Variants in NCKAP5 observed in about 807,000 individuals in gnomAD.
NCKAP5 encodes nck-associated protein 5.
In NCKAP5, 92 loss-of-function variants were observed where a neutral mutation model predicts 167.0. The ratio of observed to expected loss-of-function variants is 0.55; its 90% CI spans 0.47 to 0.66. The LOEUF (loss-of-function observed/expected upper bound fraction) is 0.66, where lower values mean the gene tolerates loss of function less well. NCKAP5 is among the 30% of genes least tolerant of loss of function. The pLI, the probability that NCKAP5 is intolerant of heterozygous loss-of-function variation, is 0.00. For missense variants in NCKAP5, 2,378 were observed against 2,315.0 expected (o/e 1.03, Z -0.56); for synonymous variants, 891 against 877.4 (o/e 1.02, Z -0.27).
At chr2:132,718,574 T>C (rs1689600704) in intron 19 of NCKAP5, among the ~76,000 whole-genome samples, 1 of 152,166 alleles carries the variant, frequency 6.6e-6, no homozygotes, top group South Asian at 2.1e-4. Context: ...AAACTAAAAG[T>C]CTATATCCTT....
intron 4 of NCKAP5, among the ~76,000 whole-genome samples, chr2:133,236,523 ACAC>A (rs1298643033): frequency 6.6e-6 from 1 of 152,218 alleles, no homozygotes; most frequent in East Asian, 1.9e-4. Flanking sequence ...TGTCTGACAA[ACAC>A]CACAACTAAA....
chr2:133,450,104 A>T (rs540336650), intron 3 of NCKAP5, among the ~76,000 whole-genome samples: 1 of 152,220 alleles, frequency 6.6e-6, no homozygotes, highest in South Asian at 2.1e-4. Flanking sequence ...GCCAAGTTGA[A>T]TTCCTCTTCT....
intron 19 of NCKAP5, among the ~76,000 whole-genome samples, chr2:132,690,590 G>T (rs567708552): frequency 2.6e-5 from 4 of 152,152 alleles, no homozygotes; most frequent in African/African-American, 9.6e-5. Context: ...ATGTTGTTTT[G>T]CCTAAAGTCA....
chr2:132,844,825 C>T (rs1287902172), intron 11 of NCKAP5, among the ~76,000 whole-genome samples: 1 of 152,100 alleles, frequency 6.6e-6, no homozygotes, highest in Non-Finnish European at 1.5e-5. Flanking sequence ...AGAGTAGATG[C>T]TTTTACTACT....
chr2:133,040,604 AT>A (rs112192890), intron 6 of NCKAP5, among the ~76,000 whole-genome samples: 1,908 of 152,332 alleles, frequency 0.013, 41 homozygotes, highest in African/African-American at 0.043. Flanking sequence ...TATTTTAAAA[AT>A]CTATTTACAT....
chr2:133,544,035 T>C (rs982997945), intron 2 of NCKAP5, among the ~76,000 whole-genome samples: 14 of 152,356 alleles, frequency 9.2e-5, no homozygotes, highest in African/African-American at 3.1e-4. Context: ...TCTTTGCAAA[T>C]AACTTATGCT....
chr2:132,994,113 C>A, intron 7 of NCKAP5, 39 bp downstream of exon 7: 1 of 1,382,248 alleles, frequency 7.2e-7, no homozygotes, highest in Non-Finnish European at 9.9e-7. Context: ...GAAAAACAAG[C>A]AGACCAGTAC....
intron 6 of NCKAP5, among the ~76,000 whole-genome samples, chr2:133,066,476 G>T (rs944613421): frequency 6.6e-6 from 1 of 152,134 alleles, no homozygotes; most frequent in Non-Finnish European, 1.5e-5. Context: ...CCCAAGTAGA[G>T]AAATTATATG....
chr2:133,071,401 C>A (rs1460584562), intron 6 of NCKAP5, among the ~76,000 whole-genome samples: 4 of 152,084 alleles, frequency 2.6e-5, no homozygotes, highest in African/African-American at 7.2e-5. Context: ...GCCGAGATCC[C>A]GCCACTGCAC....
the NCKAP5 span, among the ~76,000 whole-genome samples, chr2:133,654,085 A>C: frequency 6.6e-6 from 1 of 152,092 alleles, no homozygotes; most frequent in Non-Finnish European, 1.5e-5. Flanking sequence ...ATCATATGCA[A>C]GTTCAATAAA....
chr2:132,744,038 T>C (rs1465167341), intron 16 of NCKAP5, among the ~76,000 whole-genome samples: 3 of 151,698 alleles, frequency 2.0e-5, no homozygotes, highest in African/African-American at 7.2e-5. Flanking sequence ...TCCAAAATTA[T>C]GAAGCAGAAA....
intron 10 of NCKAP5, 54 bp downstream of exon 10, chr2:132,868,882 T>C (rs904211295): frequency 7.5e-7 from 1 of 1,332,776 alleles, no homozygotes; most frequent in Non-Finnish European, 1.0e-6. Flanking sequence ...CAACATGAGC[T>C]CCAATATAGT....
At chr2:133,362,886 T>G (rs186139703) in intron 3 of NCKAP5, among the ~76,000 whole-genome samples, 87 of 151,874 alleles carry the variant, frequency 5.7e-4, no homozygotes, top group Non-Finnish European at 1.0e-3. Context: ...CCCGAGTAGC[T>G]GGGACTATAG....
intron 4 of NCKAP5, among the ~76,000 whole-genome samples, chr2:133,287,452 G>A (rs905135480): frequency 1.3e-5 from 2 of 152,196 alleles, no homozygotes; most frequent in Non-Finnish European, 2.9e-5. Context: ...CAGGAAGTCT[G>A]AATTTCTAGA....
chr2:133,518,344 A>ATTT (rs751025050), intron 2 of NCKAP5, among the ~76,000 whole-genome samples: 1,004 of 74,600 alleles, frequency 0.013, 200 homozygotes, highest in Non-Finnish European at 0.015. Context: ...ACAGTAAAGG[A>ATTT]TTTTTTTTTT....
At chr2:132,911,866 A>C (rs1289367510) in intron 8 of NCKAP5, among the ~76,000 whole-genome samples, 1 of 152,166 alleles carries the variant, frequency 6.6e-6, no homozygotes, top group Non-Finnish European at 1.5e-5. Context: ...GGTAAACTGC[A>C]GGACTGTTGA....
At chr2:133,146,293 G>A (rs914561072) in intron 5 of NCKAP5, among the ~76,000 whole-genome samples, 1 of 151,802 alleles carries the variant, frequency 6.6e-6, no homozygotes, top group Non-Finnish European at 1.5e-5. Flanking sequence ...GCAACATCTA[G>A]ATAAAAAAGC....
chr2:133,000,294 G>T (rs928811576), intron 6 of NCKAP5, among the ~76,000 whole-genome samples: 6 of 152,160 alleles, frequency 3.9e-5, no homozygotes, highest in African/African-American at 1.4e-4. Flanking sequence ...ATGACAGGAA[G>T]AAAGAGGCTG....
chr2:132,820,951 A>C (rs145238634), intron 11 of NCKAP5, among the ~76,000 whole-genome samples: 1 of 152,316 alleles, frequency 6.6e-6, no homozygotes, highest in African/African-American at 2.4e-5. Flanking sequence ...TGGCAAATAT[A>C]GTCTGAAACA....
Sources: allele counts gnomAD v4.1 joint callset (sites outside exome capture counted in the v4.1 genomes callset), GRCh38; gene constraint gnomAD v4.1.1; transcripts MANE v1.5; gene names NCBI Gene and HGNC (gene_info 2026-07-23, HGNC 2026-07-21).